The following HGD variants were observed in gnomAD, a reference collection of about 807,000 sequenced individuals.
The protein encoded by HGD is homogentisate oxidase.
HGD carries 61 observed loss-of-function variants against 60.8 expected under a neutral mutation model. The observed-to-expected ratio is 1.00, with a 90% CI of 0.82 to 1.24. The LOEUF is 1.24. Among genes scored for constraint, HGD ranks in the 50% most tolerant of loss-of-function variants. HGD has a pLI of 0.00. For synonymous variants in HGD, 212 were observed against 187.7 expected (o/e 1.13, Z -1.06); for missense variants, 542 against 547.1 (o/e 0.99, Z 0.09).
chr3:120,658,580 C>T (rs1941569381), intron 4 of HGD, among the ~76,000 whole-genome samples: 1 of 152,162 alleles, frequency 6.6e-6, no homozygotes, highest in South Asian at 2.1e-4. Context: ...GTGGATGGAT[C>T]TACCTTTCTG....
chr3:120,674,798 C>A (rs1708090702), intron 3 of HGD, 103 bp downstream of exon 3: 4 of 788,568 alleles, frequency 5.1e-6, no homozygotes, highest in Middle Eastern at 7.2e-4. Context: ...GAAGCAGGAT[C>A]TTGGGCAGCT....
intron 2 of HGD, among the ~76,000 whole-genome samples, chr3:120,675,289 C>A (rs1318483384): frequency 6.6e-6 from 1 of 151,784 alleles, no homozygotes; most frequent in Non-Finnish European, 1.5e-5. Context: ...AAATTGTGAC[C>A]CTATCATACC....
chr3:120,641,535 C>T (rs923264545), intron 11 of HGD, 54 bp downstream of exon 11: 3 of 1,066,344 alleles, frequency 2.8e-6, no homozygotes, highest in Non-Finnish European at 4.4e-6. Context: ...TACTGTGGAC[C>T]CCTCCCACCC....
In HGD at chr3:120,670,481, A is replaced by G. The variant is rs2107548724; in HGVS notation, c.228T>C (p.Ile76=). The change falls in exon 4 of 14, where the codon ATT becomes ATC. Residue 76 remains isoleucine, a synonymous_variant. Coordinates refer to ENST00000283871, the MANE Select transcript of HGD (RefSeq NM_000187.4). Reference sequence around the variant, plus strand: ...AGTTGTGAGTGACTTGGCCTTCGTCAATGGATTCAAAGGGCTTGTGAGAAA... The same window carrying G: ...AGTTGTGAGTGACTTGGCCTTCGTCGATGGATTCAAAGGGCTTGTGAGAAA... ...PSVSHKPFES[I]DEGQVTHNWD... is the part of the protein sequence containing the mutation. 2 of 1,611,662 alleles carry G rather than the reference A, an allele frequency of 1.2e-6. No individual in the cohort carries two copies. Among genetic ancestry groups the G allele is most frequent in the Non-Finnish European group, 1.7e-6 (2 of 1,177,780 alleles).
chr3:120,638,229 T>C (rs1012369918), intron 12 of HGD, among the ~76,000 whole-genome samples: 2 of 152,182 alleles, frequency 1.3e-5, no homozygotes, highest in Non-Finnish European at 2.9e-5. Flanking sequence ...ATAAATTAAG[T>C]AGCCTCAGGT....
chr3:120,629,093 A>G (rs963032469), intron 13 of HGD, among the ~76,000 whole-genome samples: 1 of 152,188 alleles, frequency 6.6e-6, no homozygotes, highest in Non-Finnish European at 1.5e-5. Flanking sequence ...GAGGTGAAGG[A>G]AATGGCAGGA....
At chr3:120,662,660 TGTTA>T (rs1707802930) in intron 4 of HGD, among the ~76,000 whole-genome samples, 1 of 152,220 alleles carries the variant, frequency 6.6e-6, no homozygotes. Context: ...GAGTTCCTCC[TGTTA>T]GTTTGTCCCA....
At chr3:120,675,764 C>G in intron 2 of HGD, 28 bp downstream of exon 2, 1 of 1,576,360 alleles carries the variant, frequency 6.3e-7, no homozygotes, top group Non-Finnish European at 8.7e-7. Flanking sequence ...GGATTCAGAG[C>G]TCTTCTAAGC....
chr3:120,649,795 C>T (rs1197439276), intron 6 of HGD, among the ~76,000 whole-genome samples: 2 of 152,114 alleles, frequency 1.3e-5, no homozygotes, highest in African/African-American at 4.8e-5. Flanking sequence ...AAGAGCTGAT[C>T]ACTTGGCATT....
intron 1 of HGD, among the ~76,000 whole-genome samples, chr3:120,677,621 G>T (rs1197669633): frequency 6.6e-6 from 1 of 152,118 alleles, no homozygotes; most frequent in Admixed American, 6.6e-5. Flanking sequence ...TTTCGCCTCG[G>T]TCCTGTGGTC....
chr3:120,674,172 C>T (rs1340140707), intron 3 of HGD, among the ~76,000 whole-genome samples: 1 of 152,194 alleles, frequency 6.6e-6, no homozygotes, highest in Non-Finnish European at 1.5e-5. Context: ...CATTCCTCTT[C>T]ACAAATACCT....
chr3:120,642,595 A>C (rs1941023022), intron 10 of HGD, among the ~76,000 whole-genome samples: 1 of 152,152 alleles, frequency 6.6e-6, no homozygotes, highest in Admixed American at 6.5e-5. Context: ...CACCATGATG[A>C]TTTTCTAGCT....
At chr3:120,648,927 T>G (rs1941246754) in intron 6 of HGD, among the ~76,000 whole-genome samples, 1 of 151,952 alleles carries the variant, frequency 6.6e-6, no homozygotes. Context: ...CCTGAAGGAG[T>G]TGCCTGAACT....
At chr3:120,638,378 T>C in intron 12 of HGD, 77 bp downstream of exon 12, 3 of 1,568,092 alleles carry the variant, frequency 1.9e-6, no homozygotes, top group Non-Finnish European at 1.8e-6. Context: ...AACCCAGGCA[T>C]TATTCCCAAT....
intron 12 of HGD, among the ~76,000 whole-genome samples, chr3:120,635,280 A>T (rs1217971375): frequency 1.3e-5 from 2 of 152,044 alleles, no homozygotes; most frequent in African/African-American, 4.8e-5. Context: ...GATCGAGACC[A>T]TCCTGGCCAA....
chr3:120,641,501 T>A (rs138460192), intron 11 of HGD, 88 bp downstream of exon 11: 407 of 842,376 alleles, frequency 4.8e-4, no homozygotes, highest in Non-Finnish European at 7.8e-4. Flanking sequence ...ATTGGAAATG[T>A]TAGATCTGTA....
At chr3:120,660,849 AAATGAAGATGAGC>A (rs1559795228) in intron 4 of HGD, among the ~76,000 whole-genome samples, 1 of 152,214 alleles carries the variant, frequency 6.6e-6, no homozygotes, top group Non-Finnish European at 1.5e-5. Flanking sequence ...ATGAGGCTAC[AAATGAAGATGAGC>A]CATCAAGGAT....
At chr3:120,653,845 C>T (rs1317319337) in intron 4 of HGD, among the ~76,000 whole-genome samples, 1 of 152,182 alleles carries the variant, frequency 6.6e-6, no homozygotes, top group Non-Finnish European at 1.5e-5. Context: ...CGAAATAATT[C>T]TTTGTTGTGG....
chr3:120,644,721 G>C lies in HGD; in HGVS notation c.650-278C>G, dbSNP rs886700051. 8 of 861,530 alleles carry C rather than the reference G, an allele frequency of 9.3e-6. No homozygotes were observed. In the African/African-American group the frequency reaches 1.4e-4, roughly 15 times the overall value. The allele number at this position is 861,530 out of a possible 1,614,324, so 53.4% of individuals were successfully genotyped here. A position where few individuals can be genotyped will look rare whatever the true frequency, so the allele number is the denominator to read the frequency against. Reference sequence around the variant, plus strand: ...TATATGCATTATCTTATCACTACAGGTGAGGGGAAGGGAAGAGAGAAAGAG... The same window carrying C: ...TATATGCATTATCTTATCACTACAGCTGAGGGGAAGGGAAGAGAGAAAGAG... On this transcript the variant is annotated intron_variant, in intron 9 of 13. Coordinates refer to ENST00000283871, the MANE Select transcript of HGD (RefSeq NM_000187.4).
Sources: allele counts gnomAD v4.1 joint callset (sites outside exome capture counted in the v4.1 genomes callset), GRCh38; gene constraint gnomAD v4.1.1; transcripts MANE v1.5; gene names NCBI Gene and HGNC (gene_info 2026-07-23, HGNC 2026-07-21).